GNAL: variants seen among roughly 807,000 people sequenced by gnomAD.
GNAL encodes the protein G protein subunit alpha L.
Under a neutral mutation model 55.1 loss-of-function variants are expected in GNAL, and 18 were observed. The observed-to-expected ratio is 0.33, with a 90% CI of 0.23 to 0.48. The LOEUF is 0.48. Ranked by LOEUF, GNAL falls within the 20% of genes least tolerant of loss-of-function variation. The pLI is 0.99. For missense variants in GNAL, 412 were observed against 614.1 expected (o/e 0.67, Z 3.48); for synonymous variants, 253 against 237.0 (o/e 1.07, Z -0.62).
At chr18:11,879,122 A>T (rs1328548794) in intron 11 of GNAL, among the ~76,000 whole-genome samples, 3 of 150,088 alleles carry the variant, frequency 2.0e-5, no homozygotes, top group African/African-American at 7.3e-5. Context: ...TATATATATT[A>T]AAAATATATA....
At chr18:11,779,733 T>C (rs982123819) in intron 4 of GNAL, among the ~76,000 whole-genome samples, 2 of 152,180 alleles carry the variant, frequency 1.3e-5, no homozygotes, top group African/African-American at 4.8e-5. Context: ...GTCTGGAAAC[T>C]GGGGGATCAC....
chr18:11,879,998 C>A (rs1301648938), intron 11 of GNAL, among the ~76,000 whole-genome samples: 2 of 151,470 alleles, frequency 1.3e-5, no homozygotes, highest in African/African-American at 4.8e-5. Context: ...GTGGCTCACG[C>A]CTGTAATCCC....
chr18:11,725,711 A>G (rs2032197053), intron 1 of GNAL, among the ~76,000 whole-genome samples: 1 of 152,210 alleles, frequency 6.6e-6, no homozygotes, highest in African/African-American at 2.4e-5. Flanking sequence ...AGTTTTGGCA[A>G]TCGTGAGTAA....
In GNAL at chr18:11,784,765, C is replaced by A. The variant is rs118076676; in HGVS notation, c.624+30820C>A. 1.8e-3 allele frequency among the ~76,000 whole-genome samples: 279 copies of A among 152,060 alleles called. 1 individual carries two copies. Among genetic ancestry groups the A allele is most frequent in the East Asian group, 0.01 (53 of 5,170 alleles). On this transcript the variant is annotated intron_variant, in intron 4 of 11. Transcript: ENST00000334049. Reference sequence around the variant, plus strand: ...TCGGCCTCAGTGGAATTGAAAAAAACCAAAAGCCAGTACCTGGTCTCTGAG... The same window carrying A: ...TCGGCCTCAGTGGAATTGAAAAAAAACAAAAGCCAGTACCTGGTCTCTGAG...
chr18:11,711,189 C>T (rs552918773), intron 1 of GNAL, among the ~76,000 whole-genome samples: 17 of 152,310 alleles, frequency 1.1e-4, no homozygotes. Context: ...GTTTGAACTA[C>T]TTTGGCTTTA....
At chr18:11,772,661 T>C (rs2033668652) in intron 4 of GNAL, among the ~76,000 whole-genome samples, 1 of 152,220 alleles carries the variant, frequency 6.6e-6, no homozygotes, top group African/African-American at 2.4e-5. Context: ...GTCATCCAGA[T>C]GTGCTGACCT....
intron 4 of GNAL, among the ~76,000 whole-genome samples, chr18:11,805,973 A>G (rs1047821779): frequency 6.6e-6 from 1 of 152,338 alleles, no homozygotes; most frequent in Non-Finnish European, 1.5e-5. Context: ...AGAACAATGT[A>G]TAAGTGTCCC....
chr18:11,705,238 C>T (rs546400201), intron 1 of GNAL, among the ~76,000 whole-genome samples: 1 of 151,258 alleles, frequency 6.6e-6, no homozygotes, highest in Admixed American at 6.6e-5. Context: ...CTTAACTCAG[C>T]ATTCCCTCCA....
chr18:11,830,820 T>TA (rs1364800669), intron 5 of GNAL, among the ~76,000 whole-genome samples: 1 of 152,182 alleles, frequency 6.6e-6, no homozygotes, highest in Non-Finnish European at 1.5e-5. Context: ...TGCTGACACA[T>TA]ACTACAACAT....
chr18:11,872,098 G>A (rs1236196938), intron 9 of GNAL, among the ~76,000 whole-genome samples, 170 bp from the exon 10 acceptor site: 1 of 152,146 alleles, frequency 6.6e-6, no homozygotes, highest in Non-Finnish European at 1.5e-5. Context: ...ACCTATATTT[G>A]TTTATCATTC....
chr18:11,822,281 C>G (rs578226154), intron 4 of GNAL, among the ~76,000 whole-genome samples: 13 of 152,130 alleles, frequency 8.5e-5, no homozygotes, highest in Non-Finnish European at 1.8e-4. Context: ...TCCCATCCCC[C>G]CCACCGCCAA....
intron 4 of GNAL, among the ~76,000 whole-genome samples, chr18:11,768,942 A>G (rs1208538063): frequency 7.7e-6 from 1 of 129,376 alleles, no homozygotes; most frequent in African/African-American, 2.8e-5. Flanking sequence ...TATATTATAT[A>G]TATTACTATA....
At chr18:11,789,577 G>A (rs1479898264) in intron 4 of GNAL, among the ~76,000 whole-genome samples, 4 of 152,222 alleles carry the variant, frequency 2.6e-5, no homozygotes, top group African/African-American at 9.7e-5. Context: ...ATTCCCCACG[G>A]ATCCAACAAT....
At chr18:11,819,961 A>T (rs778162895) in intron 4 of GNAL, among the ~76,000 whole-genome samples, 19 of 133,282 alleles carry the variant, frequency 1.4e-4, no homozygotes, top group Non-Finnish European at 2.9e-4. Context: ...TGGAACTTAT[A>T]AAAAAAAAAG....
At chr18:11,769,004 A>T (rs375882302) in intron 4 of GNAL, among the ~76,000 whole-genome samples, 27 of 86,764 alleles carry the variant, frequency 3.1e-4, no homozygotes, top group African/African-American at 2.5e-3. Flanking sequence ...ATAATATAGA[A>T]TATATATATT....
At chr18:11,749,551 G>A (rs1031119373) in intron 1 of GNAL, among the ~76,000 whole-genome samples, 2 of 152,156 alleles carry the variant, frequency 1.3e-5, no homozygotes, top group African/African-American at 4.8e-5. Flanking sequence ...TCTGGGTCAG[G>A]CACTGAACCA....
chr18:11,849,649 G>A (rs1034604914), intron 5 of GNAL, among the ~76,000 whole-genome samples: 1 of 152,106 alleles, frequency 6.6e-6, no homozygotes, highest in Non-Finnish European at 1.5e-5. Flanking sequence ...GCAGAGTAGG[G>A]GGCCTAAGCT....
intron 4 of GNAL, among the ~76,000 whole-genome samples, chr18:11,795,270 A>G (rs2034348147): frequency 1.3e-5 from 2 of 152,024 alleles, no homozygotes; most frequent in Admixed American, 1.3e-4. Context: ...GCATGATAGC[A>G]TGCACCTGTA....
chr18:11,821,860 A>G (rs1170543438), intron 4 of GNAL, among the ~76,000 whole-genome samples: 3 of 152,216 alleles, frequency 2.0e-5, no homozygotes, highest in Non-Finnish European at 2.9e-5. Context: ...GCTGAAGCAC[A>G]AGGGCCTCCC....
Sources: allele counts gnomAD v4.1 joint callset (sites outside exome capture counted in the v4.1 genomes callset), GRCh38; gene constraint gnomAD v4.1.1; transcripts MANE v1.5; gene names NCBI Gene and HGNC (gene_info 2026-07-23, HGNC 2026-07-21).